Variants in INPP4B observed in about 807,000 individuals in gnomAD.
The protein encoded by INPP4B is inositol polyphosphate-4-phosphatase type II B.
A neutral mutation model predicts 122.5 loss-of-function variants in INPP4B; 55 were observed. That is an observed-to-expected ratio of 0.45 (90% CI 0.36 to 0.56). INPP4B has a LOEUF of 0.56. Among genes scored for constraint, INPP4B ranks in the 20% least tolerant of loss-of-function variants. The pLI, the probability that INPP4B is intolerant of heterozygous loss-of-function variation, is 0.00. For missense variants in INPP4B, 1,000 were observed against 1,097.7 expected, an observed-to-expected ratio of 0.91 and a Z score of 1.26; for synonymous variants, 403 against 388.7, an observed-to-expected ratio of 1.04 and a Z score of -0.43.
chr4:142,433,457 C>T (rs1809769487), intron 3 of INPP4B, among the ~76,000 whole-genome samples: 4 of 152,110 alleles, frequency 2.6e-5, no homozygotes, highest in African/African-American at 4.8e-5. Flanking sequence ...CACCCTCCCC[C>T]AGGGACAAAA....
Position 142,206,535 on chromosome 4 carries a change from G to C in INPP4B, c.1072+1890C>G, listed in dbSNP as rs1235814529. On this transcript the variant is annotated intron_variant, in intron 14 of 25. Transcript: ENST00000262992. ...ATATATGATTGGTATGCAAACACTAGAAAACAATAAAGTTTAATTTTTCAG... is the reference window on the plus strand; with the variant it reads ...ATATATGATTGGTATGCAAACACTACAAAACAATAAAGTTTAATTTTTCAG... Among the ~76,000 whole-genome samples the C allele has an allele frequency of 2.0e-5, 3 of 151,782 alleles. No homozygotes were observed. In the East Asian group the frequency reaches 5.8e-4, roughly 29 times the overall value.
intron 2 of INPP4B, among the ~76,000 whole-genome samples, chr4:142,629,915 T>C (rs375861939): frequency 2.6e-5 from 4 of 152,204 alleles, no homozygotes; most frequent in South Asian, 2.1e-4. Context: ...CAAGGTTGGA[T>C]GTAGGATTTA....
chr4:142,530,550 CATATATATATATATAT>C (rs35595178), intron 2 of INPP4B, among the ~76,000 whole-genome samples: 1 of 140,446 alleles, frequency 7.1e-6, no homozygotes, highest in Non-Finnish European at 1.5e-5. Flanking sequence ...TATGTGTGTG[CATATATATATATATAT>C]ATATATATAT....
intron 12 of INPP4B, among the ~76,000 whole-genome samples, chr4:142,230,519 C>A (rs1461655953): frequency 1.3e-5 from 2 of 151,614 alleles, no homozygotes; most frequent in Non-Finnish European, 2.9e-5. Flanking sequence ...GTGGCGCTTG[C>A]CTGTAATTCC....
chr4:142,103,109 T>C (rs1438918732), intron 23 of INPP4B, among the ~76,000 whole-genome samples: 1 of 152,128 alleles, frequency 6.6e-6, no homozygotes, highest in Non-Finnish European at 1.5e-5. Flanking sequence ...AAAGACTCCA[T>C]TAAATGCCGT....
chr4:142,196,780 A>G (rs1838414332), intron 14 of INPP4B, among the ~76,000 whole-genome samples: 1 of 152,122 alleles, frequency 6.6e-6, no homozygotes, highest in African/African-American at 2.4e-5. Context: ...TCTCAAGGCC[A>G]TATTTAGATC....
At chr4:142,042,558 GTATT>G (rs372566277) in intron 25 of INPP4B, among the ~76,000 whole-genome samples, 18,813 of 63,552 alleles carry the variant, frequency 0.3, 1,374 homozygotes, top group East Asian at 0.45. Flanking sequence ...ATGTATGTAT[GTATT>G]TATTTATTTA....
At chr4:142,268,788 A>T (rs1744294177) in intron 10 of INPP4B, among the ~76,000 whole-genome samples, 1 of 152,204 alleles carries the variant, frequency 6.6e-6, no homozygotes, top group African/African-American at 2.4e-5. Flanking sequence ...TTATATGCTG[A>T]GAAAGAAAAG....
At chr4:142,227,006 CAG>C (rs1579354312) in intron 12 of INPP4B, among the ~76,000 whole-genome samples, 1 of 152,062 alleles carries the variant, frequency 6.6e-6, no homozygotes, top group East Asian at 1.9e-4. Flanking sequence ...GACAAACAAA[CAG>C]AAACATTCGG....
intron 25 of INPP4B, among the ~76,000 whole-genome samples, chr4:142,071,136 A>C (rs1020566395): frequency 1.3e-5 from 2 of 152,216 alleles, no homozygotes; most frequent in Non-Finnish European, 2.9e-5. Flanking sequence ...TCCGAAACAG[A>C]GATATAGACC....
chr4:142,143,359 T>TACCCC (rs958779146), intron 18 of INPP4B, among the ~76,000 whole-genome samples: 23 of 2,250 alleles, frequency 0.01, no homozygotes, highest in Non-Finnish European at 0.05. Context: ...TAAGCATCTG[T>TACCCC]ACTGAGATAT....
At position 142,024,863 on chromosome 4, in the gene INPP4B, A is replaced by G. The variant is rs958472722; in HGVS notation, c.*3919T>C. 6.6e-5 allele frequency: 10 copies of G among 152,186 alleles called. No individual in the cohort carries two copies. Among genetic ancestry groups the G allele is most frequent in the Non-Finnish European group, 1.0e-4 (7 of 68,042 alleles). 9.4% of individuals were successfully genotyped at this position (152,186 alleles called of 1,614,324 possible). A position where few individuals can be genotyped will look rare whatever the true frequency, so the allele number is the denominator to read the frequency against. ...CTTAGACTACAGTTGAATTGCTAAG[A>G]ATTCTCTGGCAAAGCATTATCAGGA... On this transcript the variant is annotated 3_prime_UTR_variant, in exon 26 of 26. Coordinates refer to ENST00000262992, the MANE Select transcript of INPP4B (RefSeq NM_001101669.3).
intron 2 of INPP4B, among the ~76,000 whole-genome samples, chr4:142,528,391 T>C (rs1166503009): frequency 6.6e-6 from 1 of 152,062 alleles, no homozygotes; most frequent in Admixed American, 6.6e-5. Flanking sequence ...GTAGTTGTTG[T>C]AGGATTCAGT....
chr4:142,560,099 A>G (rs914002929), intron 2 of INPP4B, among the ~76,000 whole-genome samples: 1 of 152,170 alleles, frequency 6.6e-6, no homozygotes, highest in Non-Finnish European at 1.5e-5. Context: ...CCAATTTCAC[A>G]GAAGGGGGTT....
chr4:142,270,955 G>C (rs1745490658), intron 9 of INPP4B, among the ~76,000 whole-genome samples, 181 bp from the exon 10 acceptor site: 1 of 151,714 alleles, frequency 6.6e-6, no homozygotes, highest in African/African-American at 2.4e-5. Flanking sequence ...GTGTGTGTGT[G>C]TGTGTTTTCT....
chr4:142,067,762 G>A (rs1167118272), intron 25 of INPP4B, among the ~76,000 whole-genome samples: 1 of 152,070 alleles, frequency 6.6e-6, no homozygotes, highest in Non-Finnish European at 1.5e-5. Context: ...AAAATGAAGT[G>A]AGAAGAGAAG....
intron 2 of INPP4B, among the ~76,000 whole-genome samples, chr4:142,537,429 T>TATATATAGAGAGAGAG (rs1200701380): frequency 6.7e-4 from 17 of 25,478 alleles, no homozygotes; most frequent in Non-Finnish European, 1.1e-3. Context: ...TATATATATA[T>TATATATAGAGAGAGAG]AGAGAGAGAG....
chr4:142,238,816 A>G (rs1252284395), intron 11 of INPP4B, among the ~76,000 whole-genome samples: 1 of 152,130 alleles, frequency 6.6e-6, no homozygotes, highest in Admixed American at 6.6e-5. Context: ...CAGTACTCAT[A>G]CCACACTTTC....
Position 142,253,018 on chromosome 4 carries a change from C to A in INPP4B, c.688+7474G>T, listed in dbSNP as rs532106974. ...GGTATCGCCTATTGCTCCTAGGCTA[C>A]AATCTGTATAGTATGTTACTGTGCA... On this transcript the variant is annotated intron_variant, in intron 11 of 25. Transcript: ENST00000262992. Among the ~76,000 whole-genome samples, 4 of 152,296 alleles carry A rather than the reference C, an allele frequency of 2.6e-5. 1 individual carries two copies. The South Asian group carries it at 8.3e-4, about 32-fold the overall frequency.
Sources: allele counts gnomAD v4.1 joint callset (sites outside exome capture counted in the v4.1 genomes callset), GRCh38; gene constraint gnomAD v4.1.1; transcripts MANE v1.5; gene names NCBI Gene and HGNC (gene_info 2026-07-23, HGNC 2026-07-21).